The following FRMD5 variants were observed in gnomAD, a reference collection of about 807,000 sequenced individuals.
The protein encoded by FRMD5 is FERM domain containing 5.
In FRMD5, 20 loss-of-function variants were observed where a neutral mutation model predicts 69.0. The observed-to-expected ratio is 0.29, with a 90% confidence interval of 0.20 to 0.42. The LOEUF (loss-of-function observed/expected upper bound fraction) is 0.42, where lower values mean the gene tolerates loss of function less well. FRMD5 is among the 10% of genes least tolerant of loss of function. FRMD5 has a pLI of 1.00. For synonymous variants in FRMD5, 271 were observed against 260.1 expected (o/e 1.04, Z -0.40); for missense variants, 595 against 708.6 (o/e 0.84, Z 1.82).
At chr15:44,154,860 A>T (rs2077502144) in intron 1 of FRMD5, among the ~76,000 whole-genome samples, 1 of 152,198 alleles carries the variant, frequency 6.6e-6, no homozygotes, top group Admixed American at 6.5e-5. Flanking sequence ...GTGGTGATAG[A>T]TGTACAACTC....
intron 1 of FRMD5, among the ~76,000 whole-genome samples, chr15:44,098,799 G>A (rs901390062): frequency 1.3e-5 from 2 of 150,902 alleles, no homozygotes; most frequent in African/African-American, 4.9e-5. Flanking sequence ...AGAATAATTA[G>A]ACAAAGTCAC....
chr15:43,875,375 T>A (rs1488358978), intron 13 of FRMD5, among the ~76,000 whole-genome samples: 22 of 137,442 alleles, frequency 1.6e-4, no homozygotes, highest in African/African-American at 5.5e-4. Context: ...TATATATATA[T>A]ATATATATAT....
chr15:43,920,491 C>T (rs2089475375), intron 2 of FRMD5, among the ~76,000 whole-genome samples: 1 of 152,178 alleles, frequency 6.6e-6, no homozygotes, highest in Non-Finnish European at 1.5e-5. Flanking sequence ...TTCAAGGAGG[C>T]AGGACATAGA....
rs184746653 is a variant in FRMD5 at position 44,180,390 on chromosome 15, G to A, written c.102+14563C>T. ...CTCTCTAAGACACAAAAATGGCACC[G>A]TGTCATAATATTCATAACTTATCAG... On this transcript the variant is annotated intron_variant, in intron 1 of 13. Transcript: ENST00000417257. Among the ~76,000 whole-genome samples, 99 of 152,202 alleles carry A rather than the reference G, an allele frequency of 6.5e-4. 1 individual carries two copies. Among genetic ancestry groups the A allele is most frequent in the South Asian group, 1.9e-3 (9 of 4,818 alleles).
intron 1 of FRMD5, among the ~76,000 whole-genome samples, chr15:44,148,516 C>T (rs1320873809): frequency 6.6e-6 from 1 of 152,168 alleles, no homozygotes; most frequent in African/African-American, 2.4e-5. Context: ...CATGATCCGC[C>T]CGCCTCGGCC....
intron 1 of FRMD5, among the ~76,000 whole-genome samples, chr15:44,126,909 T>C (rs550861948): frequency 6.6e-6 from 1 of 152,322 alleles, no homozygotes; most frequent in Non-Finnish European, 1.5e-5. Flanking sequence ...TAAACTAATG[T>C]ACTTCCCTCA....
At chr15:43,953,548 T>C (rs2090069783) in intron 1 of FRMD5, among the ~76,000 whole-genome samples, 1 of 152,258 alleles carries the variant, frequency 6.6e-6, no homozygotes, top group South Asian at 2.1e-4. Context: ...CATTGTTCTT[T>C]ACAGTCAGAC....
intron 1 of FRMD5, among the ~76,000 whole-genome samples, chr15:43,988,357 CT>C (rs35486163): frequency 3.4e-4 from 49 of 145,808 alleles, no homozygotes; most frequent in Middle Eastern, 3.5e-3. Flanking sequence ...GTCATTAGCA[CT>C]TTTTTTTTTT....
chr15:43,969,272 G>A (rs1425393677), intron 1 of FRMD5, among the ~76,000 whole-genome samples: 2 of 151,828 alleles, frequency 1.3e-5, no homozygotes, highest in East Asian at 1.9e-4. Flanking sequence ...TGTAGGGATG[G>A]GGTCTTACTA....
At chr15:44,050,926 G>A (rs951774575) in intron 1 of FRMD5, among the ~76,000 whole-genome samples, 1 of 151,872 alleles carries the variant, frequency 6.6e-6, no homozygotes. Flanking sequence ...CCAAAGTGCT[G>A]AGATTACAGG....
intron 1 of FRMD5, among the ~76,000 whole-genome samples, chr15:43,935,341 G>A (rs1040863736): frequency 1.1e-4 from 16 of 152,080 alleles, no homozygotes; most frequent in Admixed American, 3.9e-4. Flanking sequence ...CAAATTAGCC[G>A]GGTGTGGTGG....
In FRMD5 at chr15:43,879,779, G is replaced by A. The variant is rs572370753; in HGVS notation, c.1135+3924C>T. 1.5e-5 allele frequency: 6 copies of A among 397,878 alleles called. No homozygotes were observed. In the South Asian group the frequency reaches 8.5e-4, roughly 56 times the overall value. 24.6% of individuals were successfully genotyped at this position (397,878 alleles called of 1,614,324 possible). On this transcript the variant is annotated intron_variant, in intron 13 of 13. Transcript: ENST00000417257. ...GAGGCAAAGATGGAAAGCCAACTAG[G>A]AACAAAGGATTTCTGCAGATCCCAC... is the stretch of plus-strand genomic sequence containing the variant.
intron 7 of FRMD5, among the ~76,000 whole-genome samples, chr15:43,901,600 T>A (rs1047779656): frequency 4.0e-5 from 6 of 151,766 alleles, no homozygotes; most frequent in Admixed American, 1.3e-4. Context: ...GGGCCATGGG[T>A]CTGCACAGGC....
chr15:44,197,487 G>A (rs2078320540), upstream of FRMD5, among the ~76,000 whole-genome samples: 1 of 151,668 alleles, frequency 6.6e-6, no homozygotes, highest in African/African-American at 2.4e-5. Context: ...TTCAAGACCA[G>A]CCTGGCCATC....
chr15:44,092,202 CT>C (rs2076483201), intron 1 of FRMD5, among the ~76,000 whole-genome samples: 1 of 152,092 alleles, frequency 6.6e-6, no homozygotes, highest in African/African-American at 2.4e-5. Context: ...TCCTGTATGT[CT>C]AGTCCTTCAG....
At chr15:44,050,528 CT>C (rs34133842) in intron 1 of FRMD5, among the ~76,000 whole-genome samples, 66,696 of 93,400 alleles carry the variant, frequency 0.71, 24,891 homozygotes, top group Non-Finnish European at 0.83. Context: ...GCCTGGCTCC[CT>C]TTTTTTTTTT....
chr15:44,195,484 G>A (rs956034851), upstream of FRMD5, among the ~76,000 whole-genome samples: 1 of 152,224 alleles, frequency 6.6e-6, no homozygotes, highest in Non-Finnish European at 1.5e-5. Flanking sequence ...CAAACGAGGG[G>A]TTCCTCTCCG....
chr15:43,965,513 C>G (rs1033368755), intron 1 of FRMD5, among the ~76,000 whole-genome samples: 1 of 151,746 alleles, frequency 6.6e-6, no homozygotes, highest in Non-Finnish European at 1.5e-5. Context: ...AGTAAGACTG[C>G]ACCTAATTTC....
intron 1 of FRMD5, chr15:43,989,974 G>A (rs1313927809): frequency 1.1e-5 from 11 of 1,022,814 alleles, no homozygotes; most frequent in African/African-American, 3.2e-5. Context: ...CTGCTTGATG[G>A]GGTACTTCAG....
Sources: gnomAD v4.1 joint callset for allele counts (sites outside exome capture counted in the v4.1 genomes callset) on GRCh38, gnomAD v4.1.1 for gene constraint, MANE v1.5 for transcripts, NCBI Gene and HGNC (gene_info 2026-07-23, HGNC 2026-07-21) for gene names.